Variants in SGCG observed in about 807,000 individuals in gnomAD.
SGCG encodes the protein sarcoglycan gamma, also known as gamma-sarcoglycan.
SGCG carries 26 observed loss-of-function variants against 29.3 expected under a neutral mutation model. The observed-to-expected ratio is 0.89, with a 90% CI of 0.65 to 1.23. The LOEUF is 1.23. SGCG is among the 50% of genes most tolerant of loss of function. The pLI is 0.00. For synonymous variants in SGCG, 145 were observed against 129.7 expected, an observed-to-expected ratio of 1.12 and a Z score of -0.80; for missense variants, 353 against 356.0, an observed-to-expected ratio of 0.99 and a Z score of 0.07.
At chr13:23,213,904 G>A (rs1236740542) in intron 2 of SGCG, among the ~76,000 whole-genome samples, 1 of 152,176 alleles carries the variant, frequency 6.6e-6, no homozygotes, top group Non-Finnish European at 1.5e-5. Context: ...GCTGGCTTCT[G>A]TGTGCTTCCT....
At chr13:23,285,316 G>T (rs914887255) in intron 5 of SGCG, among the ~76,000 whole-genome samples, 3 of 152,302 alleles carry the variant, frequency 2.0e-5, no homozygotes, top group South Asian at 2.1e-4. Flanking sequence ...CAGAGAGGAG[G>T]AATCTAGAGA....
intron 2 of SGCG, among the ~76,000 whole-genome samples, chr13:23,233,703 T>C: frequency 6.6e-6 from 1 of 152,162 alleles, no homozygotes; most frequent in Non-Finnish European, 1.5e-5. Context: ...TTTACCATGA[T>C]TTTTAAAATT....
At chr13:23,182,487 C>T (rs555940015) in intron 1 of SGCG, among the ~76,000 whole-genome samples, 4 of 152,228 alleles carry the variant, frequency 2.6e-5, no homozygotes, top group Admixed American at 2.6e-4. Context: ...TTCTCTCAGC[C>T]TCTATAGCAC....
chr13:23,311,812 A>T (rs146076226), intron 6 of SGCG, among the ~76,000 whole-genome samples: 33 of 152,164 alleles, frequency 2.2e-4, no homozygotes, highest in African/African-American at 7.7e-4. Flanking sequence ...TAGAAAATAG[A>T]TTTTTTTCAT....
intron 4 of SGCG, among the ~76,000 whole-genome samples, chr13:23,271,598 A>C (rs978709533): frequency 7.2e-5 from 11 of 152,184 alleles, no homozygotes; most frequent in Non-Finnish European, 1.3e-4. Flanking sequence ...ACTTCATGGT[A>C]TGTTTTAATG....
chr13:23,162,592 C>G, the SGCG span, among the ~76,000 whole-genome samples: 4 of 152,128 alleles, frequency 2.6e-5, no homozygotes, highest in African/African-American at 9.7e-5. Context: ...GGCCCCTGCA[C>G]TCCAGCCTGG....
At chr13:23,285,360 G>A (rs538043969) in intron 5 of SGCG, among the ~76,000 whole-genome samples, 19 of 152,248 alleles carry the variant, frequency 1.2e-4, no homozygotes, top group Admixed American at 2.0e-4. Context: ...GTCGAGGCTC[G>A]GTGGGGATCC....
chr13:23,198,869 G>A (rs1157678182), intron 1 of SGCG, among the ~76,000 whole-genome samples: 4 of 145,200 alleles, frequency 2.8e-5, no homozygotes, highest in African/African-American at 1.0e-4. Flanking sequence ...AAAAATTTGG[G>A]AGGCCGAGGC....
At chr13:23,323,570 G>A (rs1032684091) in intron 7 of SGCG, among the ~76,000 whole-genome samples, 34 of 152,190 alleles carry the variant, frequency 2.2e-4, no homozygotes, top group African/African-American at 9.7e-5. Context: ...TGGATGTGAC[G>A]ATTTTTATTT....
At chr13:23,265,678 C>A (rs1335504292) in intron 4 of SGCG, among the ~76,000 whole-genome samples, 6 of 152,114 alleles carry the variant, frequency 3.9e-5, no homozygotes, top group South Asian at 4.1e-4. Context: ...ACACTCCATA[C>A]CACTAGTCAT....
At position 23,203,276 on chromosome 13, in the gene SGCG, T is replaced by G. The variant is rs146882701; in HGVS notation, c.1-419T>G. 2.4e-4 allele frequency among the ~76,000 whole-genome samples: 36 copies of G among 152,304 alleles called. No homozygotes were observed. In the East Asian group the frequency reaches 6.8e-3, roughly 29 times the overall value. On this transcript the variant is annotated intron_variant, in intron 1 of 7. Coordinates refer to ENST00000218867, the MANE Select transcript of SGCG (RefSeq NM_000231.3). ...GCCTGGCTGCGGATTCCTTTTTAAA[T>G]TTACACATACCAGTTTGATTTTCCT...
At chr13:23,236,550 C>T (rs556123454) in intron 3 of SGCG, among the ~76,000 whole-genome samples, 6 of 152,034 alleles carry the variant, frequency 3.9e-5, no homozygotes, top group East Asian at 3.9e-4. Flanking sequence ...TGGTGGCGGG[C>T]GCCTGTAGTC....
intron 5 of SGCG, among the ~76,000 whole-genome samples, chr13:23,288,392 C>T (rs1448451108): frequency 6.6e-6 from 1 of 151,952 alleles, no homozygotes; most frequent in Non-Finnish European, 1.5e-5. Context: ...CTCCTGACTG[C>T]ACCAAGTCCT....
intron 4 of SGCG, among the ~76,000 whole-genome samples, chr13:23,277,512 G>A (rs1161125035): frequency 6.6e-6 from 1 of 151,834 alleles, no homozygotes; most frequent in Non-Finnish European, 1.5e-5. Flanking sequence ...CTCACTGGAG[G>A]GTTTTAAATA....
rs139244187 is a variant in SGCG at position 23,276,431 on chromosome 13, C to T, written c.386-2928C>T. On this transcript the variant is annotated intron_variant, in intron 4 of 7. Transcript: ENST00000218867. ...CATGAACGCTTTCTTTTTTAGTTTT[C>T]TTTTTTTTTTTTTTTTTTTGAGACA... 1.9e-3 allele frequency among the ~76,000 whole-genome samples: 196 copies of T among 102,232 alleles called. No homozygotes were observed. The Middle Eastern group carries it at 0.036, about 19-fold the overall frequency. 67.1% of individuals were successfully genotyped at this position (102,232 alleles called of 152,430 possible).
At chr13:23,244,775 C>A (rs1303855795) in intron 3 of SGCG, 3 of 152,152 alleles carry the variant, frequency 2.0e-5, no homozygotes, top group Non-Finnish European at 4.4e-5. Context: ...GCTTTGAAAT[C>A]ATCATGGAAG....
intron 6 of SGCG, among the ~76,000 whole-genome samples, chr13:23,298,662 A>C (rs1325601098): frequency 2.6e-5 from 4 of 152,178 alleles, no homozygotes; most frequent in Admixed American, 6.5e-5. Context: ...AAATCTGTGG[A>C]AATAATCCCA....
chr13:23,306,676 C>G (rs1328461312), intron 6 of SGCG, among the ~76,000 whole-genome samples: 1 of 152,138 alleles, frequency 6.6e-6, no homozygotes, highest in Non-Finnish European at 1.5e-5. Context: ...GTCTTCTTAA[C>G]TTGAACAATG....
At chr13:23,276,721 C>A (rs73168691) in intron 4 of SGCG, among the ~76,000 whole-genome samples, 5,389 of 152,304 alleles carry the variant, frequency 0.035, 147 homozygotes, top group Middle Eastern at 0.062. Flanking sequence ...AGGCGTAAGC[C>A]ACCGCGCCCA....
Sources: allele counts gnomAD v4.1 joint callset (sites outside exome capture counted in the v4.1 genomes callset), GRCh38; gene constraint gnomAD v4.1.1; transcripts MANE v1.5; gene names NCBI Gene and HGNC (gene_info 2026-07-23, HGNC 2026-07-21).